Variants in RNF115 observed in about 807,000 individuals in gnomAD.
RNF115 encodes the protein E3 ubiquitin-protein ligase RNF115.
RNF115 carries 31 observed loss-of-function variants against 39.2 expected under a neutral mutation model. The ratio of observed to expected loss-of-function variants is 0.79; its 90% CI spans 0.59 to 1.07. RNF115 has a LOEUF of 1.07. RNF115 is among the 50% of genes least tolerant of loss of function. The pLI, the probability that RNF115 is intolerant of heterozygous loss-of-function variation, is 0.00. For missense variants in RNF115, 384 were observed against 381.7 expected (o/e 1.01, Z -0.05); for synonymous variants, 124 against 131.0 (o/e 0.95, Z 0.37).
intron 4 of RNF115, among the ~76,000 whole-genome samples, chr1:145,753,673 T>C (rs1214321727): frequency 6.6e-6 from 1 of 152,222 alleles, no homozygotes; most frequent in East Asian, 1.9e-4. Flanking sequence ...AAGAAAAACC[T>C]GAAGAAATTG....
Position 145,740,508 on chromosome 1 carries a change from TAC to T in RNF115, c.*6356_*6357del, listed in dbSNP as rs1657657563. 6.6e-6 allele frequency: 1 copy of T among 152,284 alleles called. No homozygotes were observed. Among genetic ancestry groups the T allele is most frequent in the Admixed American group, 6.5e-5 (1 of 15,276 alleles). The allele number at this position is 152,284 out of a possible 1,614,324, so 9.4% of individuals were successfully genotyped here. A position where few individuals can be genotyped will look rare whatever the true frequency, so the allele number is the denominator to read the frequency against. On this transcript the variant is annotated 3_prime_UTR_variant, in exon 9 of 9. Coordinates refer to ENST00000582693, the MANE Select transcript of RNF115 (RefSeq NM_014455.4). ...TGTCTTGGCTTTCAAAATGTGTTGATACAATTGCCTTCAAATAAGCCTACAAA... is the reference window on the plus strand; with the variant it reads ...TGTCTTGGCTTTCAAAATGTGTTGATAATTGCCTTCAAATAAGCCTACAAA...
chr1:145,798,264 T>C (rs1212130178), intron 1 of RNF115, among the ~76,000 whole-genome samples: 1 of 152,230 alleles, frequency 6.6e-6, no homozygotes. Context: ...GTTATAAGCC[T>C]TTCCTCTAAG....
chr1:145,749,382 T>A (rs1268083393), intron 7 of RNF115, among the ~76,000 whole-genome samples: 1 of 152,042 alleles, frequency 6.6e-6, no homozygotes, highest in Non-Finnish European at 1.5e-5. Context: ...AATCCCCAGC[T>A]CCTCTTCACT....
chr1:145,752,166 A>G (rs1178864214), intron 5 of RNF115, among the ~76,000 whole-genome samples: 1 of 152,214 alleles, frequency 6.6e-6, no homozygotes, highest in Non-Finnish European at 1.5e-5. Context: ...ATAATTTCTC[A>G]GACAAGAAGA....
intron 4 of RNF115, among the ~76,000 whole-genome samples, chr1:145,762,239 T>G (rs1229143552): frequency 6.6e-6 from 1 of 152,194 alleles, no homozygotes; most frequent in Admixed American, 6.5e-5. Flanking sequence ...GGGGGACTGC[T>G]GGGAATGCAT....
intron 4 of RNF115, among the ~76,000 whole-genome samples, chr1:145,770,507 A>G (rs1647586861): frequency 6.6e-6 from 1 of 152,168 alleles, no homozygotes; most frequent in Non-Finnish European, 1.5e-5. Context: ...GGATTGAGGT[A>G]CTTTGAATTT....
At position 145,823,798 on chromosome 1, in the gene RNF115, T is replaced by C. The variant is rs1650436118; in HGVS notation, c.76A>G (p.Lys26Glu). ...GGTAGTTTGGGGCTGACCTCGCCCT[T>C]GCAAAAGTGGCAGAAAAACCGGTGG... ...AAHRFFCHFCKGEVSPKLPEY... is the reference protein window; with the variant it reads ...AAHRFFCHFCEGEVSPKLPEY... Residue 26 changes from lysine to glutamate, a missense_variant, in exon 1 of 9, where the codon AAG becomes GAG. Lys to Glu is a moderately conservative substitution (Grantham distance 56). Transcript: ENST00000582693. The C allele has an allele frequency of 3.8e-6, 6 of 1,586,006 alleles. No homozygotes were observed. Among genetic ancestry groups the C allele is most frequent in the Non-Finnish European group, 5.1e-6 (6 of 1,169,218 alleles).
At chr1:145,760,259 A>T (rs1571716947) in intron 4 of RNF115, among the ~76,000 whole-genome samples, 1 of 152,310 alleles carries the variant, frequency 6.6e-6, no homozygotes, top group East Asian at 1.9e-4. Context: ...TCTCTACAAA[A>T]AAAATTTAAA....
intron 1 of RNF115, among the ~76,000 whole-genome samples, chr1:145,796,770 T>C (rs992387518): frequency 6.6e-6 from 1 of 152,220 alleles, no homozygotes; most frequent in Admixed American, 6.5e-5. Flanking sequence ...CCTTCTCATC[T>C]TGCAAAACTG....
At chr1:145,771,021 G>A (rs587679267) in intron 4 of RNF115, among the ~76,000 whole-genome samples, 2 of 152,258 alleles carry the variant, frequency 1.3e-5, no homozygotes, top group Admixed American at 1.3e-4. Flanking sequence ...GTTCCAATCT[G>A]TTGAAATATT....
chr1:145,804,210 T>C (rs974936962), intron 1 of RNF115, among the ~76,000 whole-genome samples: 13 of 152,180 alleles, frequency 8.5e-5, no homozygotes, highest in African/African-American at 2.9e-4. Flanking sequence ...AAAAATAACC[T>C]GGGATTAAAA....
At chr1:145,754,239 T>C (rs1553712882) in intron 4 of RNF115, among the ~76,000 whole-genome samples, 1 of 152,244 alleles carries the variant, frequency 6.6e-6, no homozygotes, top group African/African-American at 2.4e-5. Context: ...GTATGCATTG[T>C]GGAATGACTA....
At chr1:145,789,742 C>T (rs1334164449) in intron 1 of RNF115, among the ~76,000 whole-genome samples, 1 of 122,282 alleles carries the variant, frequency 8.2e-6, no homozygotes, top group Non-Finnish European at 1.6e-5. Context: ...GAGTCTCGCT[C>T]TCTTGCCCAG....
intron 4 of RNF115, among the ~76,000 whole-genome samples, chr1:145,764,504 T>C (rs1658670330): frequency 6.7e-6 from 1 of 148,292 alleles, no homozygotes; most frequent in Non-Finnish European, 1.5e-5. Context: ...GTCTGGGAGG[T>C]GAGGAGCCCC....
intron 4 of RNF115, among the ~76,000 whole-genome samples, chr1:145,764,382 T>A (rs1230374625): frequency 6.8e-6 from 1 of 147,610 alleles, no homozygotes; most frequent in Non-Finnish European, 1.5e-5. Context: ...CCATCCCATC[T>A]AGGAAGTGAG....
chr1:145,789,025 G>T, intron 1 of RNF115, 59 bp from the exon 2 acceptor site: 1 of 1,062,986 alleles, frequency 9.4e-7, no homozygotes, highest in South Asian at 1.3e-5. Flanking sequence ...CGTGGTATCT[G>T]TAGTTTCAGA....
rs1249314748 is a variant in RNF115 at position 145,821,148 on chromosome 1, C to A, written c.102+2624G>T. On this transcript the variant is annotated intron_variant, in intron 1 of 8. Transcript: ENST00000582693. ...TTTTTCTATGTTTGCCTTGTCTTTC[C>A]CCAAAAGCTGTAAGATCCTTAAGGG... is the stretch of plus-strand genomic sequence containing the variant. 4.8e-5 allele frequency among the ~76,000 whole-genome samples: 5 copies of A among 103,614 alleles called. 1 individual carries two copies. Among genetic ancestry groups the A allele is most frequent in the Non-Finnish European group, 1.1e-4 (5 of 45,740 alleles). The allele number at this position is 103,614 out of a possible 152,430, so 68.0% of individuals were successfully genotyped here.
intron 2 of RNF115, among the ~76,000 whole-genome samples, chr1:145,787,618 G>A: frequency 6.6e-6 from 1 of 150,886 alleles, no homozygotes; most frequent in South Asian, 2.1e-4. Flanking sequence ...TGGGCACGGT[G>A]GCTCATGCCT....
chr1:145,767,108 C>CCGGCAGAGGGGCT (rs1647355546), intron 4 of RNF115, among the ~76,000 whole-genome samples: 1 of 150,156 alleles, frequency 6.7e-6, no homozygotes, highest in Admixed American at 6.6e-5. Context: ...GGCGGCTGGC[C>CCGGCAGAGGGGCT]CGGCAGAGGG....
Sources: allele counts gnomAD v4.1 joint callset (sites outside exome capture counted in the v4.1 genomes callset), GRCh38; gene constraint gnomAD v4.1.1; transcripts MANE v1.5; gene names NCBI Gene and HGNC (gene_info 2026-07-23, HGNC 2026-07-21).